The following THADA variants were observed in gnomAD, a reference collection of about 807,000 sequenced individuals.
The protein encoded by THADA is tRNA (32-2'-O)-methyltransferase regulator THADA.
In THADA, 213 loss-of-function variants were observed where a neutral mutation model predicts 219.8. The observed-to-expected ratio is 0.97, with a 90% CI of 0.87 to 1.09. THADA has a LOEUF of 1.09. Ranked by LOEUF, THADA falls within the 50% of genes least tolerant of loss-of-function variation. THADA has a pLI of 0.00. For synonymous variants in THADA, 1,018 were observed against 828.9 expected (o/e 1.23, Z -3.92); for missense variants, 2,956 against 2,311.3 (o/e 1.28, Z -5.72).
intron 29 of THADA, among the ~76,000 whole-genome samples, chr2:43,377,076 CGGGAGT>C (rs1558661553): frequency 6.6e-6 from 1 of 152,144 alleles, no homozygotes; most frequent in African/African-American, 2.4e-5. Context: ...AACATAGCCC[CGGGAGT>C]GGCACAATAT....
intron 24 of THADA, among the ~76,000 whole-genome samples, chr2:43,500,474 TCTCA>T (rs1208592139): frequency 3.9e-5 from 6 of 152,304 alleles, no homozygotes; most frequent in African/African-American, 1.4e-4. Flanking sequence ...CACAGGCCAG[TCTCA>T]CTCACAAAAC....
intron 26 of THADA, among the ~76,000 whole-genome samples, chr2:43,458,988 G>A (rs1683327594): frequency 6.6e-6 from 1 of 152,024 alleles, no homozygotes; most frequent in Non-Finnish European, 1.5e-5. Context: ...AAAAGTCTAG[G>A]TACCACTTGT....
chr2:43,534,018 G>A (rs1303322753), intron 21 of THADA, among the ~76,000 whole-genome samples: 2 of 152,044 alleles, frequency 1.3e-5, no homozygotes, highest in African/African-American at 2.4e-5. Flanking sequence ...ATGAATATAA[G>A]ATAAATATTT....
chr2:43,375,358 A>G (rs1197075690), intron 29 of THADA, among the ~76,000 whole-genome samples: 1 of 152,232 alleles, frequency 6.6e-6, no homozygotes, highest in Non-Finnish European at 1.5e-5. Context: ...GAAACTATCA[A>G]TGGAGCAATA....
chr2:43,286,217 C>T (rs914883687), intron 35 of THADA, among the ~76,000 whole-genome samples: 2 of 152,088 alleles, frequency 1.3e-5, no homozygotes, highest in Non-Finnish European at 2.9e-5. Flanking sequence ...ACACATAGGG[C>T]CCGTGTTAGG....
chr2:43,520,305 T>C (rs1692243338), intron 22 of THADA, among the ~76,000 whole-genome samples: 2 of 152,230 alleles, frequency 1.3e-5, no homozygotes, highest in Non-Finnish European at 1.5e-5. Context: ...ACAGTGTCTT[T>C]AGCCTCTGAG....
intron 36 of THADA, among the ~76,000 whole-genome samples, chr2:43,278,010 GCACTATCTCAGCT>G (rs1292868997): frequency 6.7e-6 from 1 of 148,972 alleles, no homozygotes; most frequent in African/African-American, 2.5e-5. Flanking sequence ...GAGTACAGTG[GCACTATCTCAGCT>G]CACTGCGACC....
In THADA at chr2:43,236,368, T is replaced by TA. The variant is rs143590934; in HGVS notation, c.5297-3487dup. Among the ~76,000 whole-genome samples, 445 of 152,306 alleles carry TA rather than the reference T, an allele frequency of 2.9e-3. 6 individuals are homozygous for TA. In the East Asian group the frequency reaches 0.03, roughly 10 times the overall value. On this transcript the variant is annotated intron_variant, in intron 36 of 37. Transcript: ENST00000405975. ...CTGCAACCTGCCAAATTCGGTCTCT[T>TA]ACTACCTTGCCCTGGACTAAGACAG...
chr2:43,286,679 C>T (rs762806601), intron 35 of THADA, among the ~76,000 whole-genome samples: 135 of 151,846 alleles, frequency 8.9e-4, no homozygotes, highest in Non-Finnish European at 1.5e-3. Flanking sequence ...AAGCCGAGAT[C>T]GTACCACTGC....
intron 36 of THADA, among the ~76,000 whole-genome samples, chr2:43,233,644 T>C (rs1360272254): frequency 6.6e-6 from 1 of 152,100 alleles, no homozygotes; most frequent in African/African-American, 2.4e-5. Flanking sequence ...GGAAGGGCAC[T>C]GAAAGAATAG....
chr2:43,421,947 C>G (rs1043032346), intron 28 of THADA, among the ~76,000 whole-genome samples: 7 of 152,182 alleles, frequency 4.6e-5, no homozygotes, highest in Admixed American at 2.0e-4. Context: ...AATATTGTCA[C>G]AGGATTAGAG....
chr2:43,286,538 C>T (rs568134957), intron 35 of THADA, among the ~76,000 whole-genome samples: 116 of 152,076 alleles, frequency 7.6e-4, no homozygotes, highest in Non-Finnish European at 1.3e-3. Context: ...GTCAAGAGTT[C>T]GAGACCAGCC....
intron 28 of THADA, among the ~76,000 whole-genome samples, chr2:43,415,199 T>C (rs996509350): frequency 6.6e-6 from 1 of 152,244 alleles, no homozygotes; most frequent in Non-Finnish European, 1.5e-5. Flanking sequence ...ATGTCCATTT[T>C]AGAAGGGATC....
rs144526046 is a variant in THADA, at chr2:43,233,734, A to G, written c.5297-852T>C. On this transcript the variant is annotated intron_variant, in intron 36 of 37. Coordinates refer to ENST00000405975, the MANE Select transcript of THADA (RefSeq NM_022065.5). ...CATTTGGCCTTAGACAATCCTAAAT[A>G]TGGGTTTGGAGGGAGGCTCAGGGGT... is the stretch of plus-strand genomic sequence containing the variant. Among the ~76,000 whole-genome samples the G allele has an allele frequency of 9.0e-3, 1,365 of 152,206 alleles. 17 individuals are homozygous for G. The highest frequency in any genetic ancestry group is 0.031 in the African/African-American group (1,271 of 41,522).
intron 20 of THADA, among the ~76,000 whole-genome samples, chr2:43,548,634 C>A (rs1002097605): frequency 1.3e-5 from 2 of 152,178 alleles, no homozygotes; most frequent in Admixed American, 1.3e-4. Flanking sequence ...GCTGTGCTAG[C>A]AATCAGCGAG....
At chr2:43,272,623 C>CTT (rs397871468) in intron 36 of THADA, among the ~76,000 whole-genome samples, 8,257 of 120,180 alleles carry the variant, frequency 0.069, 446 homozygotes, top group Middle Eastern at 0.16. Flanking sequence ...TGGTTTTGTG[C>CTT]TTTTTTTTTT....
intron 15 of THADA, chr2:43,565,041 T>G (rs1339259530): frequency 6.6e-6 from 1 of 152,234 alleles, no homozygotes; most frequent in Admixed American, 6.5e-5. Context: ...GCGTATTCAA[T>G]TAAAGCATTG....
At chr2:43,231,847 A>T (rs994591568) in intron 37 of THADA, among the ~76,000 whole-genome samples, 1 of 152,196 alleles carries the variant, frequency 6.6e-6, no homozygotes, top group African/African-American at 2.4e-5. Flanking sequence ...ATTTCTCATA[A>T]AGAGGGACAA....
intron 31 of THADA, among the ~76,000 whole-genome samples, chr2:43,295,029 T>C (rs1207677557): frequency 6.6e-6 from 1 of 151,996 alleles, no homozygotes; most frequent in Admixed American, 6.6e-5. Flanking sequence ...GAGCCCAAGG[T>C]GGGAGGACTG....
Sources: allele counts gnomAD v4.1 joint callset (sites outside exome capture counted in the v4.1 genomes callset), GRCh38; gene constraint gnomAD v4.1.1; transcripts MANE v1.5; gene names NCBI Gene and HGNC (gene_info 2026-07-23, HGNC 2026-07-21).